Variants in TTC29 observed in about 807,000 individuals in gnomAD.
The protein encoded by TTC29 is tetratricopeptide repeat domain 29.
TTC29 carries 49 observed loss-of-function variants against 58.1 expected under a neutral mutation model. That is an observed-to-expected ratio of 0.84 (90% CI 0.67 to 1.07). The LOEUF is 1.07. Among genes scored for constraint, TTC29 ranks in the 50% least tolerant of loss-of-function variants. The pLI is 0.00. For synonymous variants in TTC29, 209 were observed against 196.8 expected, an observed-to-expected ratio of 1.06 and a Z score of -0.52; for missense variants, 582 against 555.6, an observed-to-expected ratio of 1.05 and a Z score of -0.48.
chr4:146,844,386 C>A (rs1171317664), intron 8 of TTC29, among the ~76,000 whole-genome samples: 1 of 152,080 alleles, frequency 6.6e-6, no homozygotes, highest in African/African-American at 2.4e-5. Context: ...TAACAAGATA[C>A]ATATTGATGA....
At chr4:146,937,443 C>T (rs954417731) in intron 4 of TTC29, 151 bp downstream of exon 4, 12 of 575,618 alleles carry the variant, frequency 2.1e-5, no homozygotes, top group African/African-American at 1.6e-4. Context: ...GATCAATAGA[C>T]ATGACTTATC....
intron 7 of TTC29, among the ~76,000 whole-genome samples, chr4:146,871,008 C>T (rs1482042393): frequency 6.6e-6 from 1 of 151,826 alleles, no homozygotes; most frequent in Non-Finnish European, 1.5e-5. Flanking sequence ...ATTATTTTGA[C>T]ATCAAACCAA....
At chr4:146,863,668 T>C (rs1013021282) in intron 8 of TTC29, among the ~76,000 whole-genome samples, 2 of 152,210 alleles carry the variant, frequency 1.3e-5, no homozygotes, top group Non-Finnish European at 2.9e-5. Context: ...GCCGTGATTA[T>C]AGAGGCTGAG....
chr4:146,847,577 G>A (rs1057376220), intron 8 of TTC29, among the ~76,000 whole-genome samples: 11 of 152,222 alleles, frequency 7.2e-5, no homozygotes, highest in African/African-American at 1.7e-4. Flanking sequence ...AGGACTATGC[G>A]GCTCTTCATC....
chr4:146,904,343 C>T (rs922713582), intron 5 of TTC29, among the ~76,000 whole-genome samples: 2 of 152,108 alleles, frequency 1.3e-5, no homozygotes, highest in Admixed American at 1.3e-4. Flanking sequence ...TTCTACGCTT[C>T]TGTTTTCTAT....
intron 4 of TTC29, among the ~76,000 whole-genome samples, chr4:146,922,256 A>T (rs961655150): frequency 2.1e-5 from 3 of 143,564 alleles, no homozygotes; most frequent in African/African-American, 8.4e-5. Context: ...ACTCAGGATG[A>T]TAAAAAAAAA....
chr4:146,785,984 T>TACACAC (rs149100538), intron 11 of TTC29, among the ~76,000 whole-genome samples: 5 of 149,302 alleles, frequency 3.3e-5, no homozygotes, highest in Non-Finnish European at 7.4e-5. Context: ...TATATATGTG[T>TACACAC]ACACACACAC....
At chr4:146,754,577 C>T (rs1457454898) in intron 11 of TTC29, among the ~76,000 whole-genome samples, 5 of 152,096 alleles carry the variant, frequency 3.3e-5, no homozygotes, top group Admixed American at 6.6e-5. Context: ...ATCTCCTGAC[C>T]AAGTGGGATT....
intron 11 of TTC29, among the ~76,000 whole-genome samples, chr4:146,802,184 A>G (rs1000537572): frequency 2.0e-5 from 3 of 152,064 alleles, no homozygotes; most frequent in African/African-American, 7.2e-5. Flanking sequence ...AACCTTCATC[A>G]GAATAAGTAA....
intron 11 of TTC29, among the ~76,000 whole-genome samples, chr4:146,732,495 G>A (rs551080598): frequency 1.8e-4 from 28 of 152,230 alleles, no homozygotes; most frequent in African/African-American, 6.7e-4. Context: ...ATTATACAAA[G>A]TGAACTGAAA....
intron 8 of TTC29, among the ~76,000 whole-genome samples, chr4:146,854,005 G>C (rs67969370): frequency 0.032 from 4,937 of 152,114 alleles, 134 homozygotes; most frequent in East Asian, 0.13. Flanking sequence ...TGAATGGTGG[G>C]AACTGGTGGA....
chr4:146,753,635 C>G (rs1746198019), intron 11 of TTC29, among the ~76,000 whole-genome samples: 1 of 152,104 alleles, frequency 6.6e-6, no homozygotes, highest in South Asian at 2.1e-4. Flanking sequence ...TTCACAATAG[C>G]AAAGACTTGG....
Position 146,726,237 on chromosome 4 carries a change from T to C in TTC29, c.1331-18686A>G, listed in dbSNP as rs1315076598. On this transcript the variant is annotated intron_variant, in intron 11 of 12. Coordinates refer to ENST00000325106, the MANE Select transcript of TTC29 (RefSeq NM_031956.4). The stretch of plus-strand genomic sequence containing the variant: ...GGGAGCCTGAGGCAAGTGGATCACT[T>C]GAGGCCAGGAGTTTCAGACCAGCCT... Among the ~76,000 whole-genome samples, 30 of 152,070 alleles carry C rather than the reference T, an allele frequency of 2.0e-4. 1 individual carries two copies. The highest frequency in any genetic ancestry group is 2.0e-3 in the Admixed American group (30 of 15,270).
intron 6 of TTC29, among the ~76,000 whole-genome samples, chr4:146,877,774 A>G (rs1362960138): frequency 1.3e-5 from 2 of 152,194 alleles, no homozygotes; most frequent in Non-Finnish European, 2.9e-5. Context: ...ATACTGTGAG[A>G]AAAACAGATA....
intron 11 of TTC29, among the ~76,000 whole-genome samples, chr4:146,772,672 G>T (rs1189012791): frequency 2.0e-5 from 3 of 152,088 alleles, no homozygotes; most frequent in Non-Finnish European, 4.4e-5. Flanking sequence ...CTCCAGCTTT[G>T]TTCTTCTTGC....
rs949011378 is a variant in TTC29, at chr4:146,822,954, G to GT, written c.978-2707dup. ...TTTCCACTGTTTGATGGGGTTGTTT[G>GT]TTTTTTTCTTGTAAATATATTTAAG... On this transcript the variant is annotated intron_variant, in intron 9 of 12. Coordinates refer to ENST00000325106, the MANE Select transcript of TTC29 (RefSeq NM_031956.4). Among the ~76,000 whole-genome samples, 17 of 151,882 alleles carry GT rather than the reference G, an allele frequency of 1.1e-4. 1 individual carries two copies. The highest frequency in any genetic ancestry group is 3.2e-3 in the Middle Eastern group (1 of 314).
chr4:146,727,665 GTTGATAATTCATTTC>G (rs2150013770), intron 11 of TTC29, among the ~76,000 whole-genome samples: 1 of 152,196 alleles, frequency 6.6e-6, no homozygotes, highest in Admixed American at 6.5e-5. Context: ...CTTTTCATAG[GTTGATAATTCATTTC>G]TTTTTGGTGC....
chr4:146,841,696 C>T lies in TTC29; in HGVS notation c.886-7799G>A, dbSNP rs139294164. On this transcript the variant is annotated intron_variant, in intron 8 of 12. Transcript: ENST00000325106. ...GGACTCCTACTCTGAAGACACAGAC[C>T]GGGCCTTGGAGGAGCCTTGTGAGAT... Among the ~76,000 whole-genome samples, 454 of 152,030 alleles carry T rather than the reference C, an allele frequency of 3.0e-3. 4 individuals carry two copies. The highest frequency in any genetic ancestry group is 0.01 in the African/African-American group (430 of 41,500).
intron 6 of TTC29, among the ~76,000 whole-genome samples, chr4:146,898,483 C>T (rs756888055): frequency 2.6e-5 from 4 of 152,158 alleles, no homozygotes; most frequent in Non-Finnish European, 4.4e-5. Context: ...TTCAGAAGTC[C>T]CCCAGTCATT....
Sources: allele counts gnomAD v4.1 joint callset (sites outside exome capture counted in the v4.1 genomes callset), GRCh38; gene constraint gnomAD v4.1.1; transcripts MANE v1.5; gene names NCBI Gene and HGNC (gene_info 2026-07-23, HGNC 2026-07-21).